FRMD6: variants seen among roughly 807,000 people sequenced by gnomAD.
FRMD6 encodes FERM domain containing 6, also known as FERM domain-containing protein 6.
A neutral mutation model predicts 73.2 loss-of-function variants in FRMD6; 37 were observed. The observed-to-expected ratio is 0.51, with a 90% CI of 0.39 to 0.66. The LOEUF (loss-of-function observed/expected upper bound fraction) is 0.66, where lower values mean the gene tolerates loss of function less well. Ranked by LOEUF, FRMD6 falls within the 30% of genes least tolerant of loss-of-function variation. The pLI is 0.00. For synonymous variants in FRMD6, 273 were observed against 282.2 expected (o/e 0.97, Z 0.33); for missense variants, 714 against 780.5 (o/e 0.91, Z 1.02).
chr14:51,577,605 A>G (rs1376781517), intron 2 of FRMD6, among the ~76,000 whole-genome samples: 4 of 152,234 alleles, frequency 2.6e-5, no homozygotes, highest in African/African-American at 7.2e-5. Context: ...TGGTACATTT[A>G]AAGTACTATG....
intron 1 of FRMD6, among the ~76,000 whole-genome samples, chr14:51,515,761 T>A (rs1884596541): frequency 6.6e-6 from 1 of 152,068 alleles, no homozygotes; most frequent in South Asian, 2.1e-4. Flanking sequence ...TCCGTTGGAC[T>A]TGAATAGCTG....
At chr14:51,720,614 T>C in intron 11 of FRMD6, 4 of 563,484 alleles carry the variant, frequency 7.1e-6, no homozygotes, top group Non-Finnish European at 1.3e-5. Context: ...TGGATGGTTG[T>C]AGACTCAGTC....
At chr14:51,509,464 T>A (rs553779825) in intron 1 of FRMD6, among the ~76,000 whole-genome samples, 1 of 151,062 alleles carries the variant, frequency 6.6e-6, no homozygotes, top group South Asian at 2.1e-4. Flanking sequence ...GAGGCGGAGC[T>A]TGCAGTGAGC....
chr14:51,521,403 G>C (rs563983865), intron 1 of FRMD6, among the ~76,000 whole-genome samples: 1 of 152,106 alleles, frequency 6.6e-6, no homozygotes, highest in Non-Finnish European at 1.5e-5. Context: ...TGAGATTGGA[G>C]TATATAAATT....
chr14:51,586,038 G>A (rs1395676890), intron 2 of FRMD6, among the ~76,000 whole-genome samples: 2 of 148,620 alleles, frequency 1.3e-5, no homozygotes, highest in Non-Finnish European at 3.0e-5. Context: ...TAATACTGCA[G>A]TAAATATACA....
At chr14:51,539,383 C>T (rs979246547) in intron 1 of FRMD6, among the ~76,000 whole-genome samples, 7 of 152,182 alleles carry the variant, frequency 4.6e-5, no homozygotes, top group African/African-American at 1.4e-4. Flanking sequence ...TGACCAATGT[C>T]TATTTCCCCA....
At chr14:51,460,117 T>C in the FRMD6 span, among the ~76,000 whole-genome samples, 1 of 152,130 alleles carries the variant, frequency 6.6e-6, no homozygotes, top group African/African-American at 2.4e-5. Context: ...AACAAATATT[T>C]ATTGAACAGC....
At chr14:51,698,992 C>G (rs1474837696) in intron 3 of FRMD6, among the ~76,000 whole-genome samples, 2 of 151,858 alleles carry the variant, frequency 1.3e-5, no homozygotes, top group African/African-American at 4.8e-5. Context: ...AATTCTAATT[C>G]TTGAATATGG....
At chr14:51,683,848 CTGTT>C (rs922651423) in intron 1 of FRMD6, among the ~76,000 whole-genome samples, 2 of 152,084 alleles carry the variant, frequency 1.3e-5, no homozygotes, top group Admixed American at 6.6e-5. Flanking sequence ...AATCAGTAAT[CTGTT>C]TGTATTGTCT....
At chr14:51,436,646 T>G in the FRMD6 span, 13 of 534,806 alleles carry the variant, frequency 2.4e-5, no homozygotes, top group Non-Finnish European at 4.1e-5. Context: ...GTTTTTTACC[T>G]GGTTTACTGA....
At chr14:51,690,182 T>A (rs1331101180) in intron 2 of FRMD6, among the ~76,000 whole-genome samples, 1 of 152,180 alleles carries the variant, frequency 6.6e-6, no homozygotes, top group Non-Finnish European at 1.5e-5. Context: ...AAACAAACAT[T>A]TGCTATTTTT....
chr14:51,446,471 C>CACACACACACACACACACACACAG, the FRMD6 span, among the ~76,000 whole-genome samples: 1 of 151,780 alleles, frequency 6.6e-6, no homozygotes, highest in East Asian at 1.9e-4. Flanking sequence ...CACACACACA[C>CACACACACACACACACACACACAG]GGAAGTTGAG....
the FRMD6 span, among the ~76,000 whole-genome samples, chr14:51,399,975 G>C: frequency 1.3e-5 from 2 of 150,346 alleles, no homozygotes; most frequent in Non-Finnish European, 3.0e-5. Flanking sequence ...TTTAAAAAAA[G>C]TTTTATTTTT....
intron 2 of FRMD6, among the ~76,000 whole-genome samples, chr14:51,601,159 G>T (rs1466107009): frequency 6.6e-6 from 1 of 152,120 alleles, no homozygotes; most frequent in Admixed American, 6.6e-5. Context: ...CTATGCTTTG[G>T]GTAGAGCTGA....
At chr14:51,584,013 TA>T (rs1379144044) in intron 2 of FRMD6, among the ~76,000 whole-genome samples, 1 of 152,204 alleles carries the variant, frequency 6.6e-6, no homozygotes, top group Non-Finnish European at 1.5e-5. Context: ...CAGAAATCCA[TA>T]GGCAGGTATA....
chr14:51,639,319 C>T (rs187864646), intron 2 of FRMD6, among the ~76,000 whole-genome samples: 39 of 152,020 alleles, frequency 2.6e-4, no homozygotes, highest in African/African-American at 8.0e-4. Flanking sequence ...CCTGTAGTCC[C>T]AGCTAATCGG....
chr14:51,649,671 A>T (rs1407661251), upstream of FRMD6: 1 of 152,236 alleles, frequency 6.6e-6, no homozygotes, highest in East Asian at 1.9e-4. Flanking sequence ...AAATGAGAAA[A>T]AAAGTGCAAT....
the FRMD6 span, among the ~76,000 whole-genome samples, chr14:51,396,438 T>C: frequency 6.6e-6 from 1 of 152,298 alleles, no homozygotes; most frequent in East Asian, 1.9e-4. Context: ...GTTAAACATG[T>C]GCTCCATGGC....
chr14:51,696,335 A>G (rs1202173401), intron 2 of FRMD6, among the ~76,000 whole-genome samples: 2 of 151,436 alleles, frequency 1.3e-5, no homozygotes, highest in African/African-American at 2.4e-5. Flanking sequence ...ACTGTCCTCC[A>G]TAATACTACT....
Sources: allele counts gnomAD v4.1 joint callset (sites outside exome capture counted in the v4.1 genomes callset), GRCh38; gene constraint gnomAD v4.1.1; transcripts MANE v1.5; gene names NCBI Gene and HGNC (gene_info 2026-07-23, HGNC 2026-07-21).